The following HYAL4 variants were observed in gnomAD, a reference collection of about 807,000 sequenced individuals.
The protein encoded by HYAL4 is hyaluronidase-4.
A neutral mutation model predicts 35.2 loss-of-function variants in HYAL4; 37 were observed. The observed-to-expected ratio is 1.05, with a 90% CI of 0.81 to 1.38. The LOEUF is 1.38. HYAL4 is among the 40% of genes most tolerant of loss of function. The pLI is 0.00. For synonymous variants in HYAL4, 198 were observed against 203.2 expected, an observed-to-expected ratio of 0.97 and a Z score of 0.22; for missense variants, 572 against 572.4, an observed-to-expected ratio of 1.00 and a Z score of 0.01.
At chr7:123,790,262 A>G in the HYAL4 span, among the ~76,000 whole-genome samples, 53,548 of 152,060 alleles carry the variant, frequency 0.35, 9,658 homozygotes, top group Middle Eastern at 0.43. Context: ...ATTATGTTTT[A>G]TAAATGTTTT....
the HYAL4 span, among the ~76,000 whole-genome samples, chr7:123,779,270 T>C: frequency 1.3e-5 from 2 of 152,032 alleles, no homozygotes; most frequent in Non-Finnish European, 1.5e-5. Flanking sequence ...AAAGGGGTCT[T>C]GAGAAGAAAA....
the HYAL4 span, among the ~76,000 whole-genome samples, chr7:123,765,123 T>A: frequency 6.6e-6 from 1 of 152,190 alleles, no homozygotes; most frequent in Non-Finnish European, 1.5e-5. Context: ...TTAATAAAAA[T>A]CAATTTCTCA....
At chr7:123,769,301 C>T in the HYAL4 span, among the ~76,000 whole-genome samples, 2 of 152,064 alleles carry the variant, frequency 1.3e-5, no homozygotes, top group African/African-American at 4.8e-5. Flanking sequence ...GGTTGGATTC[C>T]GTAGGAAGCC....
the HYAL4 span, among the ~76,000 whole-genome samples, chr7:123,807,914 AATTATTATTATT>A: frequency 2.2e-4 from 30 of 136,556 alleles, no homozygotes; most frequent in Middle Eastern, 3.7e-3. Flanking sequence ...TTAGCTGGAT[AATTATTATTATT>A]ATTATTATTA....
chr7:123,815,012 G>A, the HYAL4 span: 4 of 152,378 alleles, frequency 2.6e-5, no homozygotes, highest in Non-Finnish European at 4.4e-5. Flanking sequence ...TATTTGCATA[G>A]TACTGAAGCT....
chr7:123,842,030 T>C (rs1240533592), upstream of HYAL4, among the ~76,000 whole-genome samples: 3 of 152,024 alleles, frequency 2.0e-5, no homozygotes, highest in Non-Finnish European at 4.4e-5. Flanking sequence ...ATTTCTGGCC[T>C]TCTGCTAGCT....
intron 1 of HYAL4, among the ~76,000 whole-genome samples, chr7:123,846,929 G>A (rs1335698455): frequency 6.6e-6 from 1 of 152,166 alleles, no homozygotes; most frequent in East Asian, 1.9e-4. Context: ...CCCATTGAGG[G>A]TGTGTGTTTG....
the HYAL4 span, among the ~76,000 whole-genome samples, chr7:123,768,987 AT>A: frequency 6.6e-6 from 1 of 152,190 alleles, no homozygotes; most frequent in Non-Finnish European, 1.5e-5. Context: ...TAAAGGTAAC[AT>A]TATTTTGACA....
the HYAL4 span, among the ~76,000 whole-genome samples, chr7:123,792,557 C>A: frequency 6.6e-6 from 1 of 152,156 alleles, no homozygotes; most frequent in South Asian, 2.1e-4. Context: ...GCTTGGAGCC[C>A]ACACCTGCTT....
the HYAL4 span, among the ~76,000 whole-genome samples, chr7:123,772,133 T>A: frequency 6.6e-6 from 1 of 152,238 alleles, no homozygotes; most frequent in South Asian, 2.1e-4. Context: ...CTTCTCAGCC[T>A]CCATAATCAT....
the HYAL4 span, among the ~76,000 whole-genome samples, chr7:123,772,523 T>A: frequency 1.3e-5 from 2 of 152,150 alleles, no homozygotes; most frequent in Non-Finnish European, 2.9e-5. Context: ...AAACAATGTT[T>A]CTGTTACAAA....
At chr7:123,786,285 G>A in the HYAL4 span, among the ~76,000 whole-genome samples, 1 of 152,106 alleles carries the variant, frequency 6.6e-6, no homozygotes, top group African/African-American at 2.4e-5. Flanking sequence ...AGTAGTTTGG[G>A]GTGAAAGAGG....
chr7:123,874,764 G>C lies in HYAL4; in HGVS notation c.958G>C (p.Asp320His). 6.3e-7 allele frequency: 1 copy of C among 1,584,408 alleles called. No individual in the cohort carries two copies. Among genetic ancestry groups the C allele is most frequent in the Non-Finnish European group, 8.7e-7 (1 of 1,152,862 alleles). The change falls in exon 4 of 5, where the codon GAT becomes CAT. Residue 320 changes from aspartate to histidine, a missense_variant. By Grantham distance (81) the Asp-to-His change is moderately conservative (BLOSUM62 -1). Transcript: ENST00000223026. ...DEPLFFLSKQ[D>H]LVSTIGESAA... ...AACTCTACTGTCTTCAATCTAGCAA[G>C]ATCTAGTCAGCACCATAGGAGAAAG...
At chr7:123,839,351 G>A (rs962625023) in intron 1 of HYAL4, among the ~76,000 whole-genome samples, 3 of 152,176 alleles carry the variant, frequency 2.0e-5, no homozygotes, top group African/African-American at 7.2e-5. Flanking sequence ...ATTCCATGGT[G>A]TATATGTGCC....
At chr7:123,839,824 A>G (rs1415732305) in intron 1 of HYAL4, among the ~76,000 whole-genome samples, 3 of 84,822 alleles carry the variant, frequency 3.5e-5, no homozygotes, top group African/African-American at 1.4e-4. Context: ...CCACTTTTTA[A>G]TGGGATTGTT....
chr7:123,821,182 A>G, the HYAL4 span, among the ~76,000 whole-genome samples: 1 of 152,214 alleles, frequency 6.6e-6, no homozygotes, highest in Non-Finnish European at 1.5e-5. Context: ...ATGCATTTAT[A>G]CTGAATCATA....
At chr7:123,834,466 C>T (rs957082827) in intron 1 of HYAL4, among the ~76,000 whole-genome samples, 6 of 152,150 alleles carry the variant, frequency 3.9e-5, no homozygotes, top group Non-Finnish European at 7.4e-5. Flanking sequence ...ATTCTTTTAA[C>T]AGCTCTAGGA....
At chr7:123,830,934 T>C (rs548647119) in intron 1 of HYAL4, among the ~76,000 whole-genome samples, 15 of 152,286 alleles carry the variant, frequency 9.8e-5, no homozygotes, top group Admixed American at 6.5e-4. Context: ...TCTTTGTCTT[T>C]TTTGCCTCAT....
In HYAL4 at chr7:123,868,384, TGC is replaced by T; in HGVS notation, c.112_113del (p.Ala38SerfsTer26). On this transcript the variant is annotated frameshift_variant, in exon 3 of 5. Transcript: ENST00000223026. LOFTEE classifies it high-confidence loss of function. Reference sequence around the variant, plus strand: ...TAAAGTCTATCTCTTGTCTAAAACCTGCTCGACTTCCAATTTATCAAAGGAAA... The same window carrying T: ...TAAAGTCTATCTCTTGTCTAAAACCTTCGACTTCCAATTTATCAAAGGAAA... ...ILKSISCLKP[A>X]RLPIYQRKPF... 2 of 1,612,950 alleles carry T rather than the reference TGC, an allele frequency of 1.2e-6. No homozygotes were observed. Among genetic ancestry groups the T allele is most frequent in the Non-Finnish European group, 1.7e-6 (2 of 1,179,326 alleles).
Sources: allele counts gnomAD v4.1 joint callset (sites outside exome capture counted in the v4.1 genomes callset), GRCh38; gene constraint gnomAD v4.1.1; transcripts MANE v1.5; gene names NCBI Gene and HGNC (gene_info 2026-07-23, HGNC 2026-07-21).